Variants in NPAS3 observed in about 807,000 individuals in gnomAD.
NPAS3 encodes the protein neuronal PAS domain protein 3, also known as neuronal PAS domain-containing protein 3.
In NPAS3, 14 loss-of-function variants were observed where a neutral mutation model predicts 73.1. That is an observed-to-expected ratio of 0.19 (90% CI 0.13 to 0.30). The LOEUF is 0.30. NPAS3 is among the 10% of genes least tolerant of loss of function. The pLI, the probability that NPAS3 is intolerant of heterozygous loss-of-function variation, is 1.00. For synonymous variants in NPAS3, 620 were observed against 541.5 expected (o/e 1.14, Z -2.01); for missense variants, 1,096 against 1,250.0 (o/e 0.88, Z 1.86).
chr14:32,966,776 CAAAAAAAAAAAA>C (rs61620104), intron 1 of NPAS3, among the ~76,000 whole-genome samples: 1 of 45,156 alleles, frequency 2.2e-5, no homozygotes, highest in Admixed American at 2.3e-4. Context: ...GACTCCGTCT[CAAAAAAAAAAAA>C]AAAAAAAAAA....
chr14:33,008,315 T>G, intron 1 of NPAS3, among the ~76,000 whole-genome samples: 1 of 152,170 alleles, frequency 6.6e-6, no homozygotes, highest in East Asian at 1.9e-4. Context: ...AAAAAGCAAG[T>G]TATAGAGTAA....
intron 5 of NPAS3, among the ~76,000 whole-genome samples, chr14:33,603,946 G>A (rs186389132): frequency 6.7e-4 from 102 of 151,968 alleles, no homozygotes; most frequent in African/African-American, 2.3e-3. Context: ...TATGAGAACC[G>A]GTATGCTATC....
intron 3 of NPAS3, among the ~76,000 whole-genome samples, chr14:33,284,905 C>A (rs1342475534): frequency 6.6e-6 from 1 of 152,090 alleles, no homozygotes; most frequent in Non-Finnish European, 1.5e-5. Context: ...AAGTACCCCG[C>A]CTGCAGTCCT....
At chr14:33,194,350 C>T (rs1187365706) in intron 2 of NPAS3, among the ~76,000 whole-genome samples, 1 of 152,086 alleles carries the variant, frequency 6.6e-6, no homozygotes, top group East Asian at 1.9e-4. Flanking sequence ...TTCATTTACC[C>T]AAACTTAGAA....
In NPAS3 at chr14:33,646,368, G is replaced by C. The variant is rs536212580; in HGVS notation, c.559-29843G>C. On this transcript the variant is annotated intron_variant, in intron 5 of 11. Coordinates refer to ENST00000356141, the Ensembl canonical transcript of NPAS3. ...CTTACATTTTCTTAAATTTATTTAA[G>C]ACCCATTTTCTCTCCAGCCTTAGAA... is the stretch of plus-strand genomic sequence containing the variant. Among the ~76,000 whole-genome samples, 10 of 152,036 alleles carry C rather than the reference G, an allele frequency of 6.6e-5. No homozygotes were observed. In the South Asian group the frequency reaches 1.7e-3, roughly 25 times the overall value.
chr14:33,511,647 A>G (rs1210522031), intron 4 of NPAS3, among the ~76,000 whole-genome samples: 1 of 152,094 alleles, frequency 6.6e-6, no homozygotes, highest in African/African-American at 2.4e-5. Context: ...TAAAATAAAC[A>G]GAATCCTGCT....
intron 9 of NPAS3, among the ~76,000 whole-genome samples, chr14:33,789,652 G>A (rs1247095674): frequency 1.4e-5 from 2 of 139,226 alleles, no homozygotes; most frequent in Non-Finnish European, 3.0e-5. Context: ...GCAGTGGCGG[G>A]ATCTCGGCTC....
chr14:33,157,006 C>CT (rs2044670826), intron 2 of NPAS3, among the ~76,000 whole-genome samples: 1 of 151,898 alleles, frequency 6.6e-6, no homozygotes, highest in Non-Finnish European at 1.5e-5. Flanking sequence ...AAGAGGAACT[C>CT]TAAAAAAAGA....
chr14:33,356,187 C>T (rs1449822202), intron 3 of NPAS3, among the ~76,000 whole-genome samples: 2 of 152,174 alleles, frequency 1.3e-5, no homozygotes, highest in Non-Finnish European at 2.9e-5. Context: ...CTGAAGAGAC[C>T]AGTGGCTTCC....
chr14:33,355,844 T>C (rs1421201346), intron 3 of NPAS3, among the ~76,000 whole-genome samples: 1 of 152,224 alleles, frequency 6.6e-6, no homozygotes, highest in East Asian at 1.9e-4. Flanking sequence ...GTCCCTACTT[T>C]TCCCTTCCCC....
chr14:33,087,118 G>A (rs1188600414), intron 2 of NPAS3, among the ~76,000 whole-genome samples: 2 of 129,576 alleles, frequency 1.5e-5, no homozygotes, highest in Non-Finnish European at 3.2e-5. Context: ...GTATAATATA[G>A]TATACAATAT....
intron 4 of NPAS3, among the ~76,000 whole-genome samples, chr14:33,519,250 A>G (rs1408599681): frequency 3.3e-5 from 5 of 152,056 alleles, no homozygotes; most frequent in Non-Finnish European, 5.9e-5. Flanking sequence ...CTTCTCATCA[A>G]ACTTCTCAGT....
At chr14:33,042,984 A>T (rs750350977) in intron 1 of NPAS3, among the ~76,000 whole-genome samples, 24 of 152,150 alleles carry the variant, frequency 1.6e-4, no homozygotes, top group Non-Finnish European at 3.1e-4. Context: ...TACCCAGGAA[A>T]AGTACTTTAT....
chr14:33,583,298 C>T (rs1050560481), intron 5 of NPAS3: 6 of 152,168 alleles, frequency 3.9e-5, no homozygotes, highest in African/African-American at 1.4e-4. Flanking sequence ...TTCAGGGTTC[C>T]AGTCGCACCT....
intron 5 of NPAS3, among the ~76,000 whole-genome samples, chr14:33,577,496 C>G (rs191632379): frequency 6.6e-6 from 1 of 152,068 alleles, no homozygotes; most frequent in Non-Finnish European, 1.5e-5. Flanking sequence ...GTCAAAGTAA[C>G]CTTGTGAGGC....
chr14:33,511,369 CTT>C (rs1370895143), intron 4 of NPAS3, among the ~76,000 whole-genome samples: 2 of 152,060 alleles, frequency 1.3e-5, no homozygotes, highest in Non-Finnish European at 2.9e-5. Context: ...ATTTCCATCA[CTT>C]TTGATCCCTT....
intron 4 of NPAS3, among the ~76,000 whole-genome samples, chr14:33,483,054 G>A (rs1333332604): frequency 2.0e-5 from 3 of 152,156 alleles, no homozygotes; most frequent in Non-Finnish European, 2.9e-5. Flanking sequence ...AGGAAGACCC[G>A]AGAAAGAGAA....
At chr14:33,584,046 C>T (rs2056773751) in intron 5 of NPAS3, among the ~76,000 whole-genome samples, 1 of 152,160 alleles carries the variant, frequency 6.6e-6, no homozygotes, top group Admixed American at 6.5e-5. Flanking sequence ...ACTATAACCA[C>T]TGAAATAGCA....
intron 1 of NPAS3, among the ~76,000 whole-genome samples, chr14:33,000,462 C>T (rs960153382): frequency 3.3e-5 from 5 of 152,116 alleles, no homozygotes; most frequent in African/African-American, 1.2e-4. Flanking sequence ...CAAGACTCTG[C>T]ATGTATTTAT....
Sources: gnomAD v4.1 joint callset for allele counts (sites outside exome capture counted in the v4.1 genomes callset) on GRCh38, gnomAD v4.1.1 for gene constraint, MANE v1.5 for transcripts, NCBI Gene and HGNC (gene_info 2026-07-23, HGNC 2026-07-21) for gene names.